The following SLCO1A2 variants were observed in gnomAD, a reference collection of about 807,000 sequenced individuals.
SLCO1A2 encodes solute carrier organic anion transporter family member 1A2.
SLCO1A2 carries 67 observed loss-of-function variants against 69.0 expected under a neutral mutation model. The observed-to-expected ratio is 0.97, with a 90% confidence interval of 0.80 to 1.19. The LOEUF (loss-of-function observed/expected upper bound fraction) is 1.19, where lower values mean the gene tolerates loss of function less well. SLCO1A2 is among the 50% of genes most tolerant of loss of function. SLCO1A2 has a pLI of 0.00. For synonymous variants in SLCO1A2, 260 were observed against 265.9 expected (o/e 0.98, Z 0.22); for missense variants, 787 against 793.7 (o/e 0.99, Z 0.10).
rs71043268 is a variant in SLCO1A2, at chr12:21,394,366, T to TACACAC, written c.-190+534_-190+539dup. 2.1e-3 allele frequency among the ~76,000 whole-genome samples: 304 copies of TACACAC among 147,590 alleles called. 3 individuals carry two copies. Among genetic ancestry groups the TACACAC allele is most frequent in the East Asian group, 3.2e-3 (16 of 5,004 alleles). On this transcript the variant is annotated intron_variant, in intron 1 of 15. Coordinates refer to the SLCO1A2 transcript ENST00000307378. ...TGGCAACATGATGAAACCACATCTT[T>TACACAC]ACACACACACACACACACACACACA...
At position 21,278,976 on chromosome 12, in the gene SLCO1A2, C is replaced by T. The variant is rs550687787; in HGVS notation, c.1611-3552G>A. Among the ~76,000 whole-genome samples the T allele has an allele frequency of 2.6e-5, 4 of 151,898 alleles. No individual in the cohort carries two copies. The South Asian group carries it at 6.2e-4, about 24-fold the overall frequency. On this transcript the variant is annotated intron_variant, in intron 12 of 14. Transcript: ENST00000683939. Reference sequence around the variant, plus strand: ...GATAATACAGAGAAAAAATGCAGAACACTATTAGATGAATTTTACAAAGAG... The same window carrying T: ...GATAATACAGAGAAAAAATGCAGAATACTATTAGATGAATTTTACAAAGAG...
At chr12:21,355,899 A>C (rs768006788) in intron 2 of SLCO1A2, among the ~76,000 whole-genome samples, 1 of 152,212 alleles carries the variant, frequency 6.6e-6, no homozygotes, top group Non-Finnish European at 1.5e-5. Flanking sequence ...AAAATGGCCA[A>C]GAAGTATTTA....
chr12:21,310,878 T>C (rs112416264), intron 4 of SLCO1A2, among the ~76,000 whole-genome samples: 11,037 of 152,228 alleles, frequency 0.073, 671 homozygotes, highest in African/African-American at 0.17. Context: ...GCTAGGATTA[T>C]AGGCGTGAGC....
At chr12:21,296,449 T>A (rs1947724389) in intron 9 of SLCO1A2, among the ~76,000 whole-genome samples, 1 of 152,018 alleles carries the variant, frequency 6.6e-6, no homozygotes. Flanking sequence ...TGCTATGTTG[T>A]CCAGGCTGGT....
chr12:21,294,352 T>C (rs1251757635), intron 10 of SLCO1A2: 1 of 298,150 alleles, frequency 3.4e-6, no homozygotes, highest in African/African-American at 2.2e-5. Flanking sequence ...AAACAAGCAT[T>C]AATTGAGCAC....
chr12:21,345,364 A>G (rs1953219681), intron 2 of SLCO1A2, among the ~76,000 whole-genome samples: 3 of 152,056 alleles, frequency 2.0e-5, no homozygotes, highest in African/African-American at 7.2e-5. Flanking sequence ...GTAGTCTTGA[A>G]CTAAGAATGG....
At chr12:21,342,843 G>A (rs752178378) in intron 2 of SLCO1A2, among the ~76,000 whole-genome samples, 4 of 152,026 alleles carry the variant, frequency 2.6e-5, no homozygotes, top group African/African-American at 4.8e-5. Context: ...TGAAAGAGGA[G>A]GAGGAAGTAT....
intron 2 of SLCO1A2, among the ~76,000 whole-genome samples, chr12:21,357,239 G>GAC (rs1378889534): frequency 1.3e-5 from 2 of 152,204 alleles, no homozygotes; most frequent in East Asian, 3.9e-4. Flanking sequence ...GATACTTTGA[G>GAC]ACCCTAGTAT....
rs1946974869 is a variant in SLCO1A2 at position 21,292,213 on chromosome 12, T to C, written c.1561A>G (p.Ser521Gly). 6.2e-7 allele frequency: 1 copy of C among 1,611,036 alleles called. No homozygotes were observed. The highest frequency in any genetic ancestry group is 8.5e-7 in the Non-Finnish European group (1 of 1,178,298). ...QYFLILSAMS[S>G]FIYSLAAIPG... ...ATGGCAGCCAAAGAATAAATGAAACTGCTCATCGCTGACAAGATTAGGAAG... is the reference window on the plus strand; with the variant it reads ...ATGGCAGCCAAAGAATAAATGAAACCGCTCATCGCTGACAAGATTAGGAAG... The change falls in exon 12 of 15, where the codon AGT (serine) becomes GGT (glycine). Residue 521 changes from serine to glycine, a missense_variant. Coordinates refer to ENST00000683939, the MANE Select transcript of SLCO1A2 (RefSeq NM_001386879.1).
At chr12:21,293,079 C>T (rs867286621) in intron 11 of SLCO1A2, among the ~76,000 whole-genome samples, 11 of 152,002 alleles carry the variant, frequency 7.2e-5, no homozygotes, top group Admixed American at 6.6e-5. Context: ...CCAAGGCAGG[C>T]GGATCACAAG....
chr12:21,269,804 A>C (rs182696203), intron 14 of SLCO1A2, 37 bp from the exon 15 acceptor site: 2 of 1,528,780 alleles, frequency 1.3e-6, no homozygotes, highest in African/African-American at 2.8e-5. Context: ...TAAATATTAC[A>C]TAGTGTGGTT....
At chr12:21,374,574 T>G (rs557374592) in intron 1 of SLCO1A2, 2 of 152,346 alleles carry the variant, frequency 1.3e-5, no homozygotes, top group South Asian at 2.1e-4. Context: ...TTTTGTCATT[T>G]CAAGGCTTAT....
At chr12:21,416,596 G>C (rs1342905965) in intron 1 of SLCO1A2, among the ~76,000 whole-genome samples, 1 of 151,940 alleles carries the variant, frequency 6.6e-6, no homozygotes, top group Non-Finnish European at 1.5e-5. Context: ...ATTGTCTGCA[G>C]GCTGGTCTTG....
At chr12:21,419,391 G>C (rs1942044871), upstream of SLCO1A2, 1 of 153,386 alleles carries the variant, frequency 6.5e-6, no homozygotes, top group East Asian at 1.9e-4. Flanking sequence ...GCAGGGCGAG[G>C]CATTGCCTCA....
At chr12:21,314,330 T>C (rs1950594206) in intron 4 of SLCO1A2, among the ~76,000 whole-genome samples, 1 of 152,062 alleles carries the variant, frequency 6.6e-6, no homozygotes, top group Non-Finnish European at 1.5e-5. Context: ...CAAGAAAAGG[T>C]CCCAAATCCC....
intron 1 of SLCO1A2, among the ~76,000 whole-genome samples, chr12:21,412,385 A>G (rs1333065832): frequency 6.6e-6 from 1 of 151,994 alleles, no homozygotes; most frequent in Admixed American, 6.6e-5. Context: ...ATCTCAAGAA[A>G]AAAAAAGGTA....
At chr12:21,285,817 G>C (rs576267183) in intron 12 of SLCO1A2, among the ~76,000 whole-genome samples, 2 of 152,158 alleles carry the variant, frequency 1.3e-5, no homozygotes, top group African/African-American at 4.8e-5. Flanking sequence ...AATCCTTCAT[G>C]CTAAAAACTC....
intron 12 of SLCO1A2, among the ~76,000 whole-genome samples, chr12:21,280,467 T>A (rs1293397260): frequency 1.3e-5 from 2 of 151,636 alleles, no homozygotes; most frequent in Non-Finnish European, 2.9e-5. Flanking sequence ...AGAAAAAAAC[T>A]GTAAGAAGAG....
intron 1 of SLCO1A2, among the ~76,000 whole-genome samples, chr12:21,387,693 G>A (rs1329217764): frequency 1.3e-5 from 2 of 152,242 alleles, no homozygotes; most frequent in African/African-American, 4.8e-5. Flanking sequence ...CAGTGCAGAA[G>A]GGACATGCGG....
Sources: allele counts gnomAD v4.1 joint callset (sites outside exome capture counted in the v4.1 genomes callset), GRCh38; gene constraint gnomAD v4.1.1; transcripts MANE v1.5; gene names NCBI Gene and HGNC (gene_info 2026-07-23, HGNC 2026-07-21).